The following GNG4 variants were observed in gnomAD, a reference collection of about 807,000 sequenced individuals.
GNG4 encodes G protein subunit gamma 4.
GNG4 carries 4 observed loss-of-function variants against 5.8 expected under a neutral mutation model. That is an observed-to-expected ratio of 0.69 (90% confidence interval 0.34 to 1.57). GNG4 has a LOEUF of 1.57. Among genes scored for constraint, GNG4 ranks in the 40% most tolerant of loss-of-function variants. GNG4 has a pLI of 0.06. For missense variants in GNG4, 96 were observed against 95.1 expected (o/e 1.01, Z -0.04); for synonymous variants, 29 against 32.9 (o/e 0.88, Z 0.41).
intron 1 of GNG4, chr1:235,615,835 T>C: frequency 3.5e-6 from 1 of 285,750 alleles, no homozygotes; most frequent in South Asian, 4.4e-5. Flanking sequence ...TGGCAAGCAG[T>C]CCATGATGGA....
chr1:235,634,011 T>C (rs568828964), intron 1 of GNG4, among the ~76,000 whole-genome samples: 8 of 152,160 alleles, frequency 5.3e-5, no homozygotes, highest in Non-Finnish European at 2.9e-5. Flanking sequence ...TGGTGGGAAA[T>C]GGGAGGATTC....
Position 235,642,473 on chromosome 1 carries a change from A to C in GNG4, c.-123+7189T>G, listed in dbSNP as rs963035921. Among the ~76,000 whole-genome samples, 5 of 152,154 alleles carry C rather than the reference A, an allele frequency of 3.3e-5. No homozygotes were observed. Among genetic ancestry groups the C allele is most frequent in the African/African-American group, 1.2e-4 (5 of 41,444 alleles). On this transcript the variant is annotated intron_variant, in intron 1 of 3. Transcript: ENST00000391854. This position sits in a 1 kb window ranked among gnomAD's most constrained non-coding sequence, Gnocchi z 4.3. ...GCTAACAGCGTCCGAGCCAATCCGT[A>C]AGCATCAGAGGGACAAAGAAATCAT...
At chr1:235,562,208 A>C (rs919820372) in intron 3 of GNG4, among the ~76,000 whole-genome samples, 2 of 152,194 alleles carry the variant, frequency 1.3e-5, no homozygotes, top group African/African-American at 4.8e-5. Context: ...TAATTACTGT[A>C]GTTTTATAGT....
intron 1 of GNG4, among the ~76,000 whole-genome samples, chr1:235,622,646 G>A (rs1357359872): frequency 6.6e-6 from 1 of 151,746 alleles, no homozygotes; most frequent in Non-Finnish European, 1.5e-5. Context: ...ATCACCTGAG[G>A]TCAGCAGTTC....
chr1:235,561,308 C>T (rs1687057267), intron 3 of GNG4, among the ~76,000 whole-genome samples: 1 of 152,162 alleles, frequency 6.6e-6, no homozygotes, highest in Non-Finnish European at 1.5e-5. Context: ...CGCGCCCGGC[C>T]ATTTTGCCCA....
chr1:235,636,604 C>T (rs1308714098), intron 1 of GNG4, among the ~76,000 whole-genome samples: 1 of 152,200 alleles, frequency 6.6e-6, no homozygotes, highest in Non-Finnish European at 1.5e-5. Flanking sequence ...GGTCCTCCAG[C>T]AGGGCAATTG....
chr1:235,569,692 C>G (rs990038209), intron 3 of GNG4, among the ~76,000 whole-genome samples: 1 of 151,720 alleles, frequency 6.6e-6, no homozygotes, highest in Non-Finnish European at 1.5e-5. Flanking sequence ...CTCAGCCTCC[C>G]GAGTAGCTGG....
chr1:235,643,220 C>T (rs1222919258), intron 1 of GNG4, among the ~76,000 whole-genome samples: 1 of 152,208 alleles, frequency 6.6e-6, no homozygotes, highest in Admixed American at 6.5e-5. Context: ...CACACCCCGG[C>T]TCTGAGCAAC....
intron 3 of GNG4, among the ~76,000 whole-genome samples, chr1:235,564,727 C>T (rs1480390842): frequency 6.6e-6 from 1 of 152,080 alleles, no homozygotes; most frequent in African/African-American, 2.4e-5. Context: ...GCTCTGTTGC[C>T]CAGGCTGGAG....
chr1:235,565,896 T>C (rs1273268827), intron 3 of GNG4: 1 of 152,210 alleles, frequency 6.6e-6, no homozygotes, highest in Non-Finnish European at 1.5e-5. Flanking sequence ...GTGCATTCCA[T>C]GAGCTGACAC....
intron 3 of GNG4, among the ~76,000 whole-genome samples, chr1:235,581,975 T>G (rs959584165): frequency 1.3e-5 from 2 of 152,232 alleles, no homozygotes; most frequent in African/African-American, 4.8e-5. Context: ...GAGAACTGCC[T>G]TATAGCCCAA....
intron 1 of GNG4, among the ~76,000 whole-genome samples, chr1:235,608,892 C>T (rs888151941): frequency 8.5e-5 from 13 of 152,060 alleles, no homozygotes; most frequent in Non-Finnish European, 5.9e-5. Context: ...CCATGTTGGC[C>T]AGGCTGATCT....
chr1:235,605,394 C>T (rs747980716), intron 1 of GNG4, among the ~76,000 whole-genome samples: 4 of 152,014 alleles, frequency 2.6e-5, no homozygotes, highest in Non-Finnish European at 5.9e-5. Context: ...AGGCTGGTCT[C>T]GAACTCTGGA....
intron 3 of GNG4, among the ~76,000 whole-genome samples, chr1:235,580,134 C>T (rs182195843): frequency 3.7e-4 from 56 of 152,196 alleles, no homozygotes; most frequent in African/African-American, 1.2e-3. Context: ...ATCTTAAGGA[C>T]GATAAGTTAA....
chr1:235,637,092 T>C (rs187605802), intron 1 of GNG4, among the ~76,000 whole-genome samples: 19 of 151,714 alleles, frequency 1.3e-4, no homozygotes, highest in African/African-American at 4.4e-4. Flanking sequence ...CTCCTGGCAT[T>C]TCTGTAAAGA....
At chr1:235,615,359 C>T (rs972830052) in intron 1 of GNG4, 2 of 153,018 alleles carry the variant, frequency 1.3e-5, no homozygotes, top group Admixed American at 6.5e-5. Flanking sequence ...AAAGGATTCT[C>T]TGTCATGCTG....
intron 3 of GNG4, among the ~76,000 whole-genome samples, chr1:235,569,349 T>C (rs567359052): frequency 2.6e-5 from 4 of 151,916 alleles, no homozygotes; most frequent in East Asian, 2.0e-4. Flanking sequence ...TCTTAGCTAT[T>C]TGGGAGGCTG....
At chr1:235,628,419 G>T (rs375829114) in intron 1 of GNG4, among the ~76,000 whole-genome samples, 7 of 150,122 alleles carry the variant, frequency 4.7e-5, no homozygotes, top group Non-Finnish European at 1.0e-4. Flanking sequence ...TAGGAGACGG[G>T]GGGGGGTTAC....
intron 3 of GNG4, among the ~76,000 whole-genome samples, chr1:235,559,424 G>C (rs977388388): frequency 6.6e-6 from 1 of 151,932 alleles, no homozygotes; most frequent in Non-Finnish European, 1.5e-5. Flanking sequence ...GTGAACTCTT[G>C]TGCTTTTTTT....
Sources: gnomAD v4.1 joint callset for allele counts (sites outside exome capture counted in the v4.1 genomes callset) on GRCh38, gnomAD v4.1.1 for gene constraint, Gnocchi (gnomAD v3.1) non-coding constraint, MANE v1.5 for transcripts, NCBI Gene and HGNC (gene_info 2026-07-23, HGNC 2026-07-21) for gene names.